The following ASTN1 variants were observed in gnomAD, a reference collection of about 807,000 sequenced individuals.
ASTN1 encodes the protein astrotactin-1.
ASTN1 carries 41 observed loss-of-function variants against 140.7 expected under a neutral mutation model. That is an observed-to-expected ratio of 0.29 (90% CI 0.23 to 0.38). ASTN1 has a LOEUF of 0.38. ASTN1 is among the 10% of genes least tolerant of loss of function. The pLI, the probability that ASTN1 is intolerant of heterozygous loss-of-function variation, is 1.00. For missense variants in ASTN1, 1,479 were observed against 1,678.8 expected (o/e 0.88, Z 2.08); for synonymous variants, 640 against 652.2 (o/e 0.98, Z 0.29).
intron 8 of ASTN1, among the ~76,000 whole-genome samples, chr1:177,011,359 C>T (rs1216247477): frequency 2.6e-5 from 4 of 152,142 alleles, no homozygotes; most frequent in African/African-American, 4.8e-5. Flanking sequence ...ATTGCAATTA[C>T]TTGTTACTCT....
intron 1 of ASTN1, among the ~76,000 whole-genome samples, chr1:177,139,523 T>G (rs960702103): frequency 1.3e-5 from 2 of 152,236 alleles, no homozygotes; most frequent in Admixed American, 1.3e-4. Context: ...GTACCTTGGA[T>G]GCAGTGATGA....
chr1:176,931,356 C>T (rs1410621560), intron 16 of ASTN1, among the ~76,000 whole-genome samples: 1 of 152,114 alleles, frequency 6.6e-6, no homozygotes, highest in Non-Finnish European at 1.5e-5. Context: ...ATCCCAGCTA[C>T]TCTGGAGGCT....
At chr1:176,962,555 A>C (rs1384415167) in intron 9 of ASTN1, among the ~76,000 whole-genome samples, 2 of 152,170 alleles carry the variant, frequency 1.3e-5, no homozygotes, top group African/African-American at 4.8e-5. Context: ...GCAGTTGAAA[A>C]ATAAATATTA....
At chr1:177,069,372 C>T (rs539303772) in intron 1 of ASTN1, among the ~76,000 whole-genome samples, 21 of 152,222 alleles carry the variant, frequency 1.4e-4, no homozygotes, top group Middle Eastern at 6.8e-3. Flanking sequence ...CCCATCCACC[C>T]GCTTCTCCTT....
intron 1 of ASTN1, among the ~76,000 whole-genome samples, chr1:177,098,848 C>T (rs767611499): frequency 3.3e-5 from 5 of 152,124 alleles, no homozygotes; most frequent in East Asian, 1.9e-4. Context: ...AACTGACGAT[C>T]GACTGATCCC....
At chr1:177,087,442 G>A (rs1407849073) in intron 1 of ASTN1, among the ~76,000 whole-genome samples, 1 of 152,162 alleles carries the variant, frequency 6.6e-6, no homozygotes, top group African/African-American at 2.4e-5. Flanking sequence ...CCTCAGCAGA[G>A]TGCTCAGCAA....
chr1:176,979,208 C>T (rs1371247402), intron 8 of ASTN1, among the ~76,000 whole-genome samples: 2 of 152,140 alleles, frequency 1.3e-5, no homozygotes, highest in African/African-American at 4.8e-5. Context: ...CATCAAGACT[C>T]CTGCATGCTC....
intron 11 of ASTN1, among the ~76,000 whole-genome samples, chr1:176,956,200 C>T (rs1672392684): frequency 1.3e-5 from 2 of 152,204 alleles, no homozygotes; most frequent in Non-Finnish European, 2.9e-5. Context: ...CTTCTTTCCC[C>T]TCCTTATCAT....
chr1:176,859,906 AT>A (rs1237963147), downstream of ASTN1, among the ~76,000 whole-genome samples: 7 of 152,176 alleles, frequency 4.6e-5, no homozygotes, highest in Non-Finnish European at 7.4e-5. Context: ...ATTCTCTTTC[AT>A]GTGGTATTGG....
chr1:177,087,516 C>T (rs1262173857), intron 1 of ASTN1, among the ~76,000 whole-genome samples: 1 of 152,150 alleles, frequency 6.6e-6, no homozygotes, highest in South Asian at 2.1e-4. Context: ...CAGAGGTGAC[C>T]ATGGCCTCCT....
chr1:176,863,377 G>A lies in ASTN1; in HGVS notation c.*907C>T. On this transcript the variant is annotated 3_prime_UTR_variant, in exon 23 of 23. Transcript: ENST00000361833. ...TACCTGTCCAAGGTAAGAGGTGTGGGGGTTAAAGATAATCCAGGCACATGG... is the reference window on the plus strand; with the variant it reads ...TACCTGTCCAAGGTAAGAGGTGTGGAGGTTAAAGATAATCCAGGCACATGG... The A allele has an allele frequency of 1.0e-6, 1 of 985,838 alleles. No individual in the cohort carries two copies. Among genetic ancestry groups the A allele is most frequent in the Non-Finnish European group, 1.2e-6 (1 of 829,960 alleles). 61.1% of individuals were successfully genotyped at this position (985,838 alleles called of 1,614,324 possible). A position where few individuals can be genotyped will look rare whatever the true frequency, so the allele number is the denominator to read the frequency against.
At chr1:176,896,157 C>G (rs1669494439) in intron 16 of ASTN1, among the ~76,000 whole-genome samples, 1 of 152,138 alleles carries the variant, frequency 6.6e-6, no homozygotes, top group Non-Finnish European at 1.5e-5. Context: ...TTAGAAACAT[C>G]ACGAGGCATT....
At chr1:176,991,448 A>C in intron 8 of ASTN1, among the ~76,000 whole-genome samples, 1 of 148,240 alleles carries the variant, frequency 6.7e-6, no homozygotes, top group South Asian at 2.2e-4. Flanking sequence ...AAAAAAAAAA[A>C]AAAAAAAAAA....
chr1:176,988,142 G>A (rs1029568164), intron 8 of ASTN1, among the ~76,000 whole-genome samples: 2 of 152,008 alleles, frequency 1.3e-5, no homozygotes, highest in Admixed American at 1.3e-4. Context: ...GTTGAAAATG[G>A]AGCCCTGAAA....
At chr1:177,047,128 T>G (rs1677271585) in intron 2 of ASTN1, among the ~76,000 whole-genome samples, 1 of 151,964 alleles carries the variant, frequency 6.6e-6, no homozygotes, top group African/African-American at 2.4e-5. Context: ...TATGCACAGG[T>G]AAGGATGATG....
At chr1:176,869,660 G>C (rs900012227) in intron 21 of ASTN1, among the ~76,000 whole-genome samples, 2 of 152,186 alleles carry the variant, frequency 1.3e-5, no homozygotes, top group African/African-American at 4.8e-5. Flanking sequence ...GGGTCATTCA[G>C]GGGTAGAAGG....
chr1:176,957,623 G>A (rs561757863), intron 11 of ASTN1, 55 bp downstream of exon 11: 936 of 1,596,212 alleles, frequency 5.9e-4, no homozygotes, highest in Non-Finnish European at 7.4e-4. Flanking sequence ...GTCTTCCCCC[G>A]TGCCTTTCCT....
intron 2 of ASTN1, among the ~76,000 whole-genome samples, chr1:177,049,349 C>G (rs11582309): frequency 0.08 from 12,144 of 152,232 alleles, 1,017 homozygotes; most frequent in African/African-American, 0.22. Flanking sequence ...TTGAAATAAT[C>G]AACTATAACA....
rs759593604 is a variant in ASTN1, at chr1:177,024,566, C to T, written c.1270+17G>A. On this transcript the variant is annotated intron_variant, in intron 6 of 22. Coordinates refer to ENST00000361833, the MANE Select transcript of ASTN1 (RefSeq NM_004319.3). ...TTTTTGGGGGGCAAGGTCGCATCCT[C>T]AGAAGAACAGGCTCACCATCAGCAA... 1.9e-6 allele frequency: 3 copies of T among 1,611,980 alleles called. No individual in the cohort carries two copies. Among genetic ancestry groups the T allele is most frequent in the Non-Finnish European group, 2.5e-6 (3 of 1,178,274 alleles).
Sources: gnomAD v4.1 joint callset for allele counts (sites outside exome capture counted in the v4.1 genomes callset) on GRCh38, gnomAD v4.1.1 for gene constraint, MANE v1.5 for transcripts, NCBI Gene and HGNC (gene_info 2026-07-23, HGNC 2026-07-21) for gene names.